Variants in METTL13 observed in about 807,000 individuals in gnomAD.
METTL13 encodes the protein methyltransferase 13, eEF1A N-terminus and K55.
In METTL13, 52 loss-of-function variants were observed where a neutral mutation model predicts 67.4. That is an observed-to-expected ratio of 0.77 (90% CI 0.62 to 0.97). The LOEUF is 0.97. METTL13 is among the 50% of genes least tolerant of loss of function. The pLI, the probability that METTL13 is intolerant of heterozygous loss-of-function variation, is 0.00. For missense variants in METTL13, 825 were observed against 889.6 expected, an observed-to-expected ratio of 0.93 and a Z score of 0.92; for synonymous variants, 354 against 353.6, an observed-to-expected ratio of 1.00 and a Z score of -0.01.
chr1:171,781,963 GGAACAT>G lies in METTL13; in HGVS notation c.1_6del (p.MetAsn1_?2). ...TCTTGAAAACGCAGCTTCGGCAGTA[GGAACAT>G]GAACCTCTTACCTAAAAGTTCCAGG... On this transcript the variant is annotated start_lost and 5_prime_UTR_variant, in exon 1 of 8. Coordinates refer to ENST00000361735, the MANE Select transcript of METTL13 (RefSeq NM_015935.5). The G allele has an allele frequency of 6.2e-7, 1 of 1,614,056 alleles. No homozygotes were observed. The highest frequency in any genetic ancestry group is 1.1e-5 in the South Asian group (1 of 91,078).
chr1:171,791,249 C>T (rs1401590865), intron 5 of METTL13, among the ~76,000 whole-genome samples: 1 of 152,196 alleles, frequency 6.6e-6, no homozygotes, highest in Non-Finnish European at 1.5e-5. Context: ...TTTGATCCCC[C>T]TGTGGTGGCT....
At position 171,785,859 on chromosome 1, in the gene METTL13, A is replaced by G. The variant is rs1656989924; in HGVS notation, c.914-20A>G. ...TTGATCACTTTCCAGGACTCCCTGTAACCAAGTTCTTTTTTCTAGTCCCTC... is the reference window on the plus strand; with the variant it reads ...TTGATCACTTTCCAGGACTCCCTGTGACCAAGTTCTTTTTTCTAGTCCCTC... On this transcript the variant is annotated intron_variant, in intron 2 of 7. Coordinates refer to ENST00000361735, the MANE Select transcript of METTL13 (RefSeq NM_015935.5). 2 of 1,610,234 alleles carry G rather than the reference A, an allele frequency of 1.2e-6. No homozygotes were observed. Among genetic ancestry groups the G allele is most frequent in the Admixed American group, 1.7e-5 (1 of 59,694 alleles).
intron 4 of METTL13, 88 bp from the exon 5 acceptor site, chr1:171,790,364 T>C (rs1657162945): frequency 7.4e-7 from 1 of 1,347,660 alleles, no homozygotes; most frequent in African/African-American, 1.5e-5. Context: ...TTTTGAGTGT[T>C]CAAGCCATCT....
intron 2 of METTL13, among the ~76,000 whole-genome samples, chr1:171,784,735 G>T (rs1001735075): frequency 1.3e-5 from 2 of 152,202 alleles, no homozygotes; most frequent in African/African-American, 2.4e-5. Flanking sequence ...ATCTGCCATT[G>T]CAAAGGCTTG....
intron 2 of METTL13, 59 bp downstream of exon 2, chr1:171,784,558 T>C: frequency 1.4e-6 from 2 of 1,391,840 alleles, no homozygotes; most frequent in Non-Finnish European, 1.9e-6. Flanking sequence ...GGCTGGGGCT[T>C]GGGCTGGGGC....
chr1:171,789,166 G>T (rs1406691022), intron 4 of METTL13, among the ~76,000 whole-genome samples: 1 of 152,186 alleles, frequency 6.6e-6, no homozygotes, highest in African/African-American at 2.4e-5. Context: ...CTCATGGAAA[G>T]AACGTTCTCC....
At chr1:171,793,989 C>T (rs1657284818) in intron 6 of METTL13, among the ~76,000 whole-genome samples, 1 of 152,182 alleles carries the variant, frequency 6.6e-6, no homozygotes, top group African/African-American at 2.4e-5. Flanking sequence ...CCCATCTGCC[C>T]CCTACTACCC....
In METTL13 at chr1:171,797,590, G is replaced by A. The variant is rs950080558; in HGVS notation, c.*834G>A. 1.3e-5 allele frequency: 2 copies of A among 152,214 alleles called. No homozygotes were observed. Among genetic ancestry groups the A allele is most frequent in the East Asian group, 3.8e-4 (2 of 5,202 alleles). 9.4% of individuals were successfully genotyped at this position (152,214 alleles called of 1,614,324 possible). On this transcript the variant is annotated 3_prime_UTR_variant, in exon 8 of 8. Transcript: ENST00000361735. The stretch of plus-strand genomic sequence containing the variant: ...AGGCATTCTTCTAAGTGGTTTACAT[G>A]CACTGTCTCATTTAATCTGAGATAA...
In METTL13 at chr1:171,796,882, A is replaced by G. The variant is rs1331833079; in HGVS notation, c.*126A>G. 2.4e-6 allele frequency: 3 copies of G among 1,260,848 alleles called. No individual in the cohort carries two copies. The highest frequency in any genetic ancestry group is 3.0e-5 in the African/African-American group (2 of 66,798). 78.1% of individuals were successfully genotyped at this position (1,260,848 alleles called of 1,614,324 possible). ...TTTTCTTGGTTTCACACTCAGCTAC[A>G]TGTGACCTCCAGCTTGGTGAGGTTG... On this transcript the variant is annotated 3_prime_UTR_variant, in exon 8 of 8. Transcript: ENST00000361735.
chr1:171,784,199 T>G lies in METTL13; in HGVS notation c.613T>G (p.Phe205Val). The change falls in exon 2 of 8, where the codon TTT becomes GTT. Residue 205 changes from phenylalanine to valine, a missense_variant. Coordinates refer to ENST00000361735, the MANE Select transcript of METTL13 (RefSeq NM_015935.5). ...AGAGCCTCAGTTCTCCTTGCCTGTC[T>G]TTGCCTTCATCATGACCAAGTTCAG... ...EAEPQFSLPV[F>V]AFIMTKFRPV... is the part of the protein sequence containing the mutation. 1 of 1,614,180 alleles carries G rather than the reference T, an allele frequency of 6.2e-7. No homozygotes were observed. Among genetic ancestry groups the G allele is most frequent in the Non-Finnish European group, 8.5e-7 (1 of 1,180,044 alleles).
chr1:171,795,361 C>T (rs912652332), intron 7 of METTL13, among the ~76,000 whole-genome samples: 1 of 152,154 alleles, frequency 6.6e-6, no homozygotes. Context: ...GTTTTCAGAT[C>T]TCTTGGGTAT....
chr1:171,791,252 T>G (rs1171380807), intron 5 of METTL13, among the ~76,000 whole-genome samples: 1 of 152,244 alleles, frequency 6.6e-6, no homozygotes, highest in Non-Finnish European at 1.5e-5. Flanking sequence ...GATCCCCCTG[T>G]GGTGGCTGTG....
chr1:171,796,509 G>C lies in METTL13; in HGVS notation c.1853G>C (p.Arg618Pro). 1 of 1,614,098 alleles carries C rather than the reference G, an allele frequency of 6.2e-7. No individual in the cohort carries two copies. The highest frequency in any genetic ancestry group is 1.1e-5 in the South Asian group (1 of 91,072). ...GTTTTTATTCTCAACCTTGTGTGCC[G>C]AGACTTGGGGCTAAAAGACTCAGTG... ...EGVFILNLVCRDLGLKDSVLA... is the reference protein window; with the variant it reads ...EGVFILNLVCPDLGLKDSVLA... The change falls in exon 8 of 8, where the codon CGA becomes CCA. Residue 618 changes from arginine (R) to proline (P), a missense_variant. By Grantham distance (103) the Arg-to-Pro change is moderately radical (BLOSUM62 -2). Coordinates refer to ENST00000361735, the MANE Select transcript of METTL13 (RefSeq NM_015935.5).
At chr1:171,786,148 C>T (rs1357142665) in intron 3 of METTL13, 70 bp downstream of exon 3, 14 of 1,490,980 alleles carry the variant, frequency 9.4e-6, no homozygotes, top group Admixed American at 2.0e-5. Context: ...GCAGAGGGAG[C>T]CTTGGCAGGA....
At chr1:171,791,152 C>G (rs1476666244) in intron 5 of METTL13, among the ~76,000 whole-genome samples, 2 of 152,242 alleles carry the variant, frequency 1.3e-5, no homozygotes, top group African/African-American at 4.8e-5. Context: ...TTTGTCCTAT[C>G]TTAGTGTTGA....
chr1:171,785,669 A>G (rs1656984136), intron 2 of METTL13, among the ~76,000 whole-genome samples: 1 of 152,124 alleles, frequency 6.6e-6, no homozygotes, highest in Non-Finnish European at 1.5e-5. Flanking sequence ...GGACATGCCC[A>G]CACTTCTTCT....
intron 4 of METTL13, among the ~76,000 whole-genome samples, chr1:171,788,843 C>T (rs979850027): frequency 6.6e-6 from 1 of 152,206 alleles, no homozygotes; most frequent in Non-Finnish European, 1.5e-5. Context: ...CTGGCCTGCC[C>T]TCATAGCAAG....
chr1:171,782,267 G>A, intron 1 of METTL13, 147 bp downstream of exon 1: 1 of 740,792 alleles, frequency 1.3e-6, no homozygotes, highest in Non-Finnish European at 2.2e-6. Context: ...CCTGCTAAAA[G>A]ACAAACTAGA....
At chr1:171,795,313 G>T (rs938737440) in intron 7 of METTL13, among the ~76,000 whole-genome samples, 26 of 152,146 alleles carry the variant, frequency 1.7e-4, no homozygotes, top group African/African-American at 6.3e-4. Flanking sequence ...AAGTGGTGCT[G>T]CCATTAACAT....
Sources: allele counts gnomAD v4.1 joint callset (sites outside exome capture counted in the v4.1 genomes callset), GRCh38; gene constraint gnomAD v4.1.1; transcripts MANE v1.5; gene names NCBI Gene and HGNC (gene_info 2026-07-23, HGNC 2026-07-21).